The following MYOF variants were observed in gnomAD, a reference collection of about 807,000 sequenced individuals.
MYOF encodes fer-1-like 3, myoferlin.
A neutral mutation model predicts 284.2 loss-of-function variants in MYOF; 244 were observed. That is an observed-to-expected ratio of 0.86 (90% CI 0.77 to 0.95). The LOEUF is 0.95. Ranked by LOEUF, MYOF falls within the 40% of genes least tolerant of loss-of-function variation. The pLI is 0.00. For synonymous variants in MYOF, 904 were observed against 919.7 expected, an observed-to-expected ratio of 0.98 and a Z score of 0.31; for missense variants, 2,496 against 2,560.6, an observed-to-expected ratio of 0.97 and a Z score of 0.54.
chr10:93,460,429 C>T (rs2056845998), intron 1 of MYOF, among the ~76,000 whole-genome samples: 1 of 152,208 alleles, frequency 6.6e-6, no homozygotes, highest in South Asian at 2.1e-4. Context: ...GTGCCAGTAA[C>T]AGGAAACAGA....
intron 43 of MYOF, among the ~76,000 whole-genome samples, chr10:93,332,226 A>ATCT (rs1554839145): frequency 2.7e-5 from 4 of 147,722 alleles, no homozygotes. Flanking sequence ...TCATTCTTTT[A>ATCT]TTTTTTTTTT....
intron 7 of MYOF, among the ~76,000 whole-genome samples, chr10:93,404,912 T>C (rs896787037): frequency 2.0e-5 from 3 of 152,234 alleles, no homozygotes; most frequent in Admixed American, 2.0e-4. Flanking sequence ...TCTTGGGATA[T>C]GAATATTAGG....
intron 24 of MYOF, among the ~76,000 whole-genome samples, chr10:93,371,612 A>T (rs1359285406): frequency 6.6e-6 from 1 of 152,248 alleles, no homozygotes; most frequent in Non-Finnish European, 1.5e-5. Context: ...TTATGTTAGT[A>T]ACGGGTTATT....
intron 1 of MYOF, among the ~76,000 whole-genome samples, chr10:93,480,445 TAACC>T (rs1310511275): frequency 1.3e-5 from 2 of 151,462 alleles, no homozygotes; most frequent in Non-Finnish European, 2.9e-5. Context: ...ATTTTTTTTT[TAACC>T]AACCAACAAT....
At chr10:93,470,250 C>CCAAG (rs111706614) in intron 1 of MYOF, among the ~76,000 whole-genome samples, 3 of 145,272 alleles carry the variant, frequency 2.1e-5, no homozygotes, top group African/African-American at 7.7e-5. Flanking sequence ...AAGAAAGAAA[C>CCAAG]AAAGAAAGAA....
intron 3 of MYOF, among the ~76,000 whole-genome samples, chr10:93,446,916 C>T (rs947085117): frequency 2.0e-5 from 3 of 151,940 alleles, no homozygotes; most frequent in African/African-American, 7.3e-5. Flanking sequence ...AGGGTTTCAC[C>T]ACGATGACCA....
In MYOF at chr10:93,373,862, C is replaced by T. The variant is rs1845709503; in HGVS notation, c.2302-777G>A. Among the ~76,000 whole-genome samples the T allele has an allele frequency of 2.0e-5, 3 of 152,220 alleles. No homozygotes were observed. In the South Asian group the frequency reaches 6.2e-4, roughly 32 times the overall value. On this transcript the variant is annotated intron_variant, in intron 23 of 53. Coordinates refer to ENST00000359263, the MANE Select transcript of MYOF (RefSeq NM_013451.4). ...CTCAACTGTGCTAAGCCCTTTACAC[C>T]TACCATTTTTTTTTATACTTTAAGT... is the stretch of plus-strand genomic sequence containing the variant.
At chr10:93,375,929 G>C (rs1845815890) in intron 22 of MYOF, among the ~76,000 whole-genome samples, 1 of 152,130 alleles carries the variant, frequency 6.6e-6, no homozygotes, top group Non-Finnish European at 1.5e-5. Flanking sequence ...GCATCTGGTG[G>C]GACACAGGGT....
At chr10:93,467,556 G>A (rs1236819759) in intron 1 of MYOF, among the ~76,000 whole-genome samples, 10 of 151,772 alleles carry the variant, frequency 6.6e-5, no homozygotes, top group South Asian at 2.1e-4. Flanking sequence ...CATTGTGGAA[G>A]TCAGTATGGC....
chr10:93,329,611 G>A, intron 44 of MYOF, 53 bp downstream of exon 44: 2 of 1,599,884 alleles, frequency 1.3e-6, no homozygotes, highest in South Asian at 1.1e-5. Context: ...GGCCTCCCCA[G>A]GTGCCAATGT....
At chr10:93,371,065 G>GT (rs1554848103) in intron 24 of MYOF, among the ~76,000 whole-genome samples, 1 of 151,526 alleles carries the variant, frequency 6.6e-6, no homozygotes, top group Non-Finnish European at 1.5e-5. Flanking sequence ...TTCAAAGTGT[G>GT]TTTTTTTCAA....
intron 12 of MYOF, among the ~76,000 whole-genome samples, chr10:93,400,895 G>C (rs113924172): frequency 0.072 from 9,091 of 126,546 alleles, 354 homozygotes; most frequent in Middle Eastern, 0.13. Context: ...GTCTCACTCT[G>C]TTGCCCAGGC....
At chr10:93,366,301 A>T in intron 26 of MYOF, 91 bp downstream of exon 26, 1 of 1,370,246 alleles carries the variant, frequency 7.3e-7, no homozygotes, top group Non-Finnish European at 1.0e-6. Flanking sequence ...CATAACTATT[A>T]TCAAGATGAT....
intron 25 of MYOF, among the ~76,000 whole-genome samples, chr10:93,368,049 C>T (rs1030418483): frequency 2.7e-5 from 4 of 150,200 alleles, no homozygotes; most frequent in Non-Finnish European, 4.4e-5. Flanking sequence ...CTGGGCTGGT[C>T]GATCATTGCT....
intron 3 of MYOF, among the ~76,000 whole-genome samples, chr10:93,444,506 T>C (rs940244243): frequency 1.6e-4 from 24 of 152,210 alleles, no homozygotes; most frequent in Non-Finnish European, 3.1e-4. Flanking sequence ...ACAGACTCCT[T>C]TTCCCATTCT....
At chr10:93,418,123 G>C (rs1848209768) in intron 5 of MYOF, among the ~76,000 whole-genome samples, 1 of 152,120 alleles carries the variant, frequency 6.6e-6, no homozygotes, top group African/African-American at 2.4e-5. Flanking sequence ...TCCTAATTCT[G>C]CTTTTCAAGA....
In MYOF at chr10:93,404,060, T is replaced by C. The variant is rs773384537; in HGVS notation, c.806A>G (p.His269Arg). ...CATCAGACAATCTGCCCGCAGAGAG[T>C]GAGAATTATAAACCTGGAAGAAAGA... is the stretch of plus-strand genomic sequence containing the variant. ...EIISIRVYNSHSLRADCLMGE... is the reference protein window; with the variant it reads ...EIISIRVYNSRSLRADCLMGE... Residue 269 changes from histidine (H) to arginine (R), a missense_variant, in exon 9 of 54, where the codon CAC (histidine) becomes CGC (arginine). By Grantham distance (29) the His-to-Arg change is conservative (BLOSUM62 0). Around this residue, in one of 3 missense-constraint regions of MYOF, gnomAD observed 2,436 missense variants for 2,480.7 expected, o/e 0.98. Transcript: ENST00000359263. The C allele has an allele frequency of 6.2e-7, 1 of 1,613,582 alleles. No homozygotes were observed. Among genetic ancestry groups the C allele is most frequent in the South Asian group, 1.1e-5 (1 of 91,046 alleles).
chr10:93,315,454 G>A (rs1378958419), intron 50 of MYOF, among the ~76,000 whole-genome samples: 2 of 152,136 alleles, frequency 1.3e-5, no homozygotes, highest in Non-Finnish European at 1.5e-5. Flanking sequence ...AGAGGACTCC[G>A]GGTGCTTTCG....
At chr10:93,396,307 T>TA (rs964688088) in intron 15 of MYOF, 83 bp from the exon 16 acceptor site, 28 of 1,017,928 alleles carry the variant, frequency 2.8e-5, no homozygotes, top group South Asian at 3.6e-5. Context: ...TTTCAACAAT[T>TA]AAAAAAAAGT....
Sources: gnomAD v4.1 joint callset for allele counts (sites outside exome capture counted in the v4.1 genomes callset) on GRCh38, gnomAD v4.1.1 for gene constraint, gnomAD v4.1.1 regional missense constraint, MANE v1.5 for transcripts, NCBI Gene and HGNC (gene_info 2026-07-23, HGNC 2026-07-21) for gene names.